GRHL2: variants seen among roughly 807,000 people sequenced by gnomAD.
The protein encoded by GRHL2 is grainyhead-like protein 2 homolog.
A neutral mutation model predicts 83.8 loss-of-function variants in GRHL2; 21 were observed. The ratio of observed to expected loss-of-function variants is 0.25; its 90% CI spans 0.18 to 0.36. The LOEUF (loss-of-function observed/expected upper bound fraction) is 0.36. Among genes scored for constraint, GRHL2 ranks in the 10% least tolerant of loss-of-function variants. The pLI is 1.00. For synonymous variants in GRHL2, 280 were observed against 278.9 expected, an observed-to-expected ratio of 1.00 and a Z score of -0.04; for missense variants, 623 against 781.8, an observed-to-expected ratio of 0.80 and a Z score of 2.42.
intron 1 of GRHL2, among the ~76,000 whole-genome samples, chr8:101,541,147 GGT>G (rs56763374): frequency 0.11 from 16,070 of 144,018 alleles, 874 homozygotes; most frequent in Non-Finnish European, 0.13. Context: ...ACTATTTCAT[GGT>G]GTGTGTGTGT....
intron 14 of GRHL2, among the ~76,000 whole-genome samples, chr8:101,652,657 C>T (rs1410422749): frequency 6.8e-6 from 1 of 147,316 alleles, no homozygotes; most frequent in Non-Finnish European, 1.5e-5. Flanking sequence ...GCTTAGGGGT[C>T]GGCATATGGG....
chr8:101,509,191 C>T lies in GRHL2; in HGVS notation c.20+16402C>T, dbSNP rs867197698. Among the ~76,000 whole-genome samples, 153 of 42,990 alleles carry T rather than the reference C, an allele frequency of 3.6e-3. 13 individuals are homozygous for T. The highest frequency in any genetic ancestry group is 7.3e-3 in the African/African-American group (129 of 17,582). 28.2% of individuals were successfully genotyped at this position (42,990 alleles called of 152,430 possible). ...CTTTCTTTTTCTTTCTTTCTTTTCT[C>T]TCTTTCTTTCTTTCTTCTTGTGTGT... On this transcript the variant is annotated intron_variant, in intron 1 of 15. Coordinates refer to ENST00000646743, the MANE Select transcript of GRHL2 (RefSeq NM_024915.4).
At chr8:101,493,792 G>T (rs541667937) in intron 1 of GRHL2, among the ~76,000 whole-genome samples, 1 of 152,116 alleles carries the variant, frequency 6.6e-6, no homozygotes, top group South Asian at 2.1e-4. Context: ...CTCCAGACGC[G>T]TCGGGGAGCC....
chr8:101,664,702 G>A (rs938984307), intron 15 of GRHL2, among the ~76,000 whole-genome samples, 184 bp downstream of exon 15: 23 of 151,978 alleles, frequency 1.5e-4, no homozygotes, highest in African/African-American at 5.6e-4. Flanking sequence ...AGGGAGGGAG[G>A]GAGGCAGTGC....
At chr8:101,674,259 G>A (rs1313624900), downstream of GRHL2, among the ~76,000 whole-genome samples, 1 of 152,108 alleles carries the variant, frequency 6.6e-6, no homozygotes, top group Non-Finnish European at 1.5e-5. Flanking sequence ...AAAAATTAAT[G>A]AATCCAGGAG....
Position 101,664,472 on chromosome 8 carries a change from C to T in GRHL2, c.1717C>T (p.Leu573=), listed in dbSNP as rs1227150596. 1.9e-6 allele frequency: 3 copies of T among 1,613,394 alleles called. No individual in the cohort carries two copies. The highest frequency in any genetic ancestry group is 2.5e-6 in the Non-Finnish European group (3 of 1,179,564). The change falls in exon 15 of 16, where the codon CTG becomes TTG. Residue 573 remains leucine, a synonymous_variant. Coordinates refer to ENST00000646743, the MANE Select transcript of GRHL2 (RefSeq NM_024915.4). ...LMEAISEKYG[L]PVEKIAKLYK... ...ATTACAGATATCTGAGAAATATGGG[C>T]TGCCCGTGGAGAAGATAGCAAAGCT...
chr8:101,505,364 G>T (rs1160849047), intron 1 of GRHL2, among the ~76,000 whole-genome samples: 1 of 152,072 alleles, frequency 6.6e-6, no homozygotes, highest in African/African-American at 2.4e-5. Flanking sequence ...GATCACCTTA[G>T]GTCGGGAGTT....
chr8:101,602,857 G>A (rs774976285), intron 8 of GRHL2, among the ~76,000 whole-genome samples: 2 of 152,240 alleles, frequency 1.3e-5, no homozygotes, highest in Non-Finnish European at 2.9e-5. Flanking sequence ...GGCTGAAGCT[G>A]TAGGTAGGTT....
At chr8:101,622,514 A>G (rs1812986366) in intron 9 of GRHL2, among the ~76,000 whole-genome samples, 1 of 152,210 alleles carries the variant, frequency 6.6e-6, no homozygotes. Flanking sequence ...TAGACATCGT[A>G]CAATTATTTT....
At chr8:101,600,929 G>A (rs974241854) in intron 8 of GRHL2, among the ~76,000 whole-genome samples, 11 of 152,166 alleles carry the variant, frequency 7.2e-5, no homozygotes, top group Admixed American at 6.5e-5. Context: ...AGGCCAAGGT[G>A]GGAGGATCCT....
Position 101,535,374 on chromosome 8 carries a change from G to A in GRHL2, c.21-7867G>A, listed in dbSNP as rs184550510. Among the ~76,000 whole-genome samples, 5 of 152,190 alleles carry A rather than the reference G, an allele frequency of 3.3e-5. No homozygotes were observed. The East Asian group carries it at 7.7e-4, about 24-fold the overall frequency. ...AGCCAAAGACTAAGCTAGAGAAGAAGGTTTTCCAGATCCCAGGGTGAAGCC... is the reference window on the plus strand; with the variant it reads ...AGCCAAAGACTAAGCTAGAGAAGAAAGTTTTCCAGATCCCAGGGTGAAGCC... On this transcript the variant is annotated intron_variant, in intron 1 of 15. Transcript: ENST00000646743.
chr8:101,546,159 C>T (rs1020039555), intron 2 of GRHL2, among the ~76,000 whole-genome samples: 10 of 152,116 alleles, frequency 6.6e-5, no homozygotes, highest in African/African-American at 2.2e-4. Flanking sequence ...GGATTATAGG[C>T]GTAAGCCACC....
intron 15 of GRHL2, among the ~76,000 whole-genome samples, chr8:101,665,737 A>G (rs1044546474): frequency 5.9e-5 from 9 of 152,232 alleles, no homozygotes; most frequent in African/African-American, 2.2e-4. Context: ...TCTTATTTTT[A>G]CAGGAGGATA....
rs1473187855 is a variant in GRHL2 at position 101,551,350 on chromosome 8, G to A, written c.217-1365G>A. Among the ~76,000 whole-genome samples, 5 of 152,288 alleles carry A rather than the reference G, an allele frequency of 3.3e-5. No homozygotes were observed. In the East Asian group the frequency reaches 9.6e-4, roughly 29 times the overall value. ...TATGCCCATTTTTCAGATGAGGAAAGTGGGACAGAGTTTACTGAGTGGTAG... is the reference window on the plus strand; with the variant it reads ...TATGCCCATTTTTCAGATGAGGAAAATGGGACAGAGTTTACTGAGTGGTAG... On this transcript the variant is annotated intron_variant, in intron 2 of 15. Coordinates refer to ENST00000646743, the MANE Select transcript of GRHL2 (RefSeq NM_024915.4).
At chr8:101,651,183 A>G (rs1813614622) in intron 14 of GRHL2, among the ~76,000 whole-genome samples, 2 of 152,242 alleles carry the variant, frequency 1.3e-5, no homozygotes, top group Non-Finnish European at 2.9e-5. Context: ...AGCTCATAAA[A>G]TATTCAGACC....
Position 101,635,493 on chromosome 8 carries a change from C to G in GRHL2, c.1486-1404C>G, listed in dbSNP as rs1163280464. Among the ~76,000 whole-genome samples the G allele has an allele frequency of 2.6e-5, 4 of 152,158 alleles. No homozygotes were observed. In the East Asian group the frequency reaches 7.7e-4, roughly 29 times the overall value. ...AACTTTGTAGAGGCCAGCAGTCAGG[C>G]CAGATAGATACACTATGCCATGTTT... On this transcript the variant is annotated intron_variant, in intron 11 of 15. Coordinates refer to ENST00000646743, the MANE Select transcript of GRHL2 (RefSeq NM_024915.4).
intron 13 of GRHL2, among the ~76,000 whole-genome samples, chr8:101,647,146 A>G (rs1813527781): frequency 6.6e-6 from 1 of 152,196 alleles, no homozygotes; most frequent in South Asian, 2.1e-4. Flanking sequence ...GCACTTTAGG[A>G]GGCTGAGGCG....
intron 1 of GRHL2, among the ~76,000 whole-genome samples, chr8:101,534,796 T>C (rs1211969669): frequency 1.3e-5 from 2 of 152,182 alleles, no homozygotes; most frequent in African/African-American, 4.8e-5. Context: ...ACTTCAAGTA[T>C]TGCAACTAGA....
chr8:101,495,608 A>G (rs1419732313), intron 1 of GRHL2, among the ~76,000 whole-genome samples: 2 of 152,272 alleles, frequency 1.3e-5, no homozygotes, highest in East Asian at 3.9e-4. Flanking sequence ...TATTTAGAGA[A>G]CGTGTAGGTA....
Sources: gnomAD v4.1 joint callset for allele counts (sites outside exome capture counted in the v4.1 genomes callset) on GRCh38, gnomAD v4.1.1 for gene constraint, MANE v1.5 for transcripts, NCBI Gene and HGNC (gene_info 2026-07-23, HGNC 2026-07-21) for gene names.